Variants in VWA8 observed in about 807,000 individuals in gnomAD.
VWA8 encodes von Willebrand factor A domain-containing protein 8.
A neutral mutation model predicts 241.5 loss-of-function variants in VWA8; 221 were observed. The observed-to-expected ratio is 0.91, with a 90% CI of 0.82 to 1.02. The LOEUF is 1.02. Ranked by LOEUF, VWA8 falls within the 50% of genes least tolerant of loss-of-function variation. The pLI is 0.00. For missense variants in VWA8, 2,322 were observed against 2,328.7 expected (o/e 1.00, Z 0.06); for synonymous variants, 852 against 827.1 (o/e 1.03, Z -0.52).
intron 34 of VWA8, 115 bp from the exon 35 acceptor site, chr13:41,685,357 A>G (rs2045129117): frequency 9.8e-7 from 1 of 1,016,852 alleles, no homozygotes; most frequent in Non-Finnish European, 1.4e-6. Context: ...TCACAGGTAT[A>G]AGAAAATCAA....
rs57144853 is a variant in VWA8, at chr13:41,641,803, GA to G, written c.4612-26720del. Among the ~76,000 whole-genome samples, 1,359 of 148,620 alleles carry G rather than the reference GA, an allele frequency of 9.1e-3. 8 individuals carry two copies. The highest frequency in any genetic ancestry group is 0.013 in the Non-Finnish European group (848 of 66,944). On this transcript the variant is annotated intron_variant, in intron 37 of 44. Transcript: ENST00000379310. ...TATAATGCAAAGAAGATTTTTATGG[GA>G]AAAAAAAAACAGTATGTGGGAGAAG...
intron 26 of VWA8, among the ~76,000 whole-genome samples, chr13:41,718,582 C>T (rs552506142): frequency 1.2e-4 from 18 of 151,858 alleles, no homozygotes; most frequent in Non-Finnish European, 2.7e-4. Flanking sequence ...ATATTTGTTT[C>T]TCTTTTAGAA....
intron 19 of VWA8, among the ~76,000 whole-genome samples, chr13:41,778,981 A>G (rs1868762841): frequency 6.7e-6 from 1 of 150,150 alleles, no homozygotes; most frequent in Non-Finnish European, 1.5e-5. Context: ...AGCTGGGACT[A>G]CAGGTGCCTG....
At chr13:41,819,150 T>C in intron 15 of VWA8, 68 bp downstream of exon 15, 2 of 1,469,002 alleles carry the variant, frequency 1.4e-6, no homozygotes, top group South Asian at 2.7e-5. Flanking sequence ...TACTTTGGCA[T>C]GTATCAGAGT....
intron 38 of VWA8, 125 bp from the exon 39 acceptor site, chr13:41,611,857 C>T: frequency 9.3e-7 from 1 of 1,069,572 alleles, no homozygotes; most frequent in Admixed American, 2.8e-5. Context: ...ATTAAACAGT[C>T]AAATTACCTT....
intron 34 of VWA8, among the ~76,000 whole-genome samples, chr13:41,687,068 T>G (rs936910646): frequency 1.3e-5 from 2 of 152,170 alleles, no homozygotes; most frequent in Non-Finnish European, 2.9e-5. Flanking sequence ...TGTTAAGTTT[T>G]AAGAATCTTT....
At chr13:41,699,010 T>TG in intron 29 of VWA8, 61 bp downstream of exon 29, 1 of 1,603,710 alleles carries the variant, frequency 6.2e-7, no homozygotes, top group Non-Finnish European at 8.5e-7. Context: ...TATAGGTTTC[T>TG]AATCACTCTT....
chr13:41,891,571 G>A lies in VWA8; in HGVS notation c.500C>T (p.Ala167Val). ...CAAAATGAGAGTTCTGCCTTCTGTG[G>A]CTGCACGAACTGCACACTATTTCCA... ...FYIDQCAVRA[A>V]TEGRTLILEG... The change falls in exon 5 of 45, where the codon GCC (alanine) becomes GTC (valine). Residue 167 changes from alanine (A) to valine (V), a missense_variant. Ala to Val is a moderately conservative substitution (Grantham distance 64). Transcript: ENST00000379310. The A allele has an allele frequency of 3.1e-6, 5 of 1,614,104 alleles. No individual in the cohort carries two copies. Among genetic ancestry groups the A allele is most frequent in the Non-Finnish European group, 4.2e-6 (5 of 1,180,002 alleles).
intron 28 of VWA8, 39 bp from the exon 29 acceptor site, chr13:41,699,309 C>T: frequency 1.2e-6 from 2 of 1,602,212 alleles, no homozygotes; most frequent in South Asian, 1.1e-5. Flanking sequence ...TGGCTGGCAA[C>T]CAATTCTCTA....
chr13:41,859,052 G>A (rs1593822843), intron 12 of VWA8, among the ~76,000 whole-genome samples: 2 of 151,402 alleles, frequency 1.3e-5, no homozygotes, highest in East Asian at 3.9e-4. Context: ...ACTCCAGTCT[G>A]GTGGACAGAG....
At chr13:41,894,177 A>C (rs1344093169) in intron 4 of VWA8, among the ~76,000 whole-genome samples, 2 of 152,246 alleles carry the variant, frequency 1.3e-5, no homozygotes, top group African/African-American at 2.4e-5. Flanking sequence ...TGGGCCACAA[A>C]AAGCAAAGTC....
intron 2 of VWA8, among the ~76,000 whole-genome samples, chr13:41,944,355 G>A (rs1419558768): frequency 6.6e-6 from 1 of 151,944 alleles, no homozygotes; most frequent in Non-Finnish European, 1.5e-5. Flanking sequence ...CTAGCTCTGT[G>A]ATTGTTTTTC....
intron 22 of VWA8, among the ~76,000 whole-genome samples, chr13:41,731,874 C>T (rs77454255): frequency 0.16 from 24,894 of 152,144 alleles, 2,155 homozygotes; most frequent in Non-Finnish European, 0.2. Context: ...CACCTTCCAC[C>T]GTGATGGTGA....
rs748947628 is a variant in VWA8, at chr13:41,691,316, T to C, written c.3866+4A>G. ...TCCATGATACACTATATAAAGCCACTCACTGATTTGTTTTGCTCTCCACCA... is the reference window on the plus strand; with the variant it reads ...TCCATGATACACTATATAAAGCCACCCACTGATTTGTTTTGCTCTCCACCA... On this transcript the variant is annotated splice_donor_region_variant and intron_variant, in intron 32 of 44. Transcript: ENST00000379310. The C allele has an allele frequency of 4.3e-6, 7 of 1,611,762 alleles. No homozygotes were observed. The highest frequency in any genetic ancestry group is 4.2e-6 in the Non-Finnish European group (5 of 1,178,446).
intron 26 of VWA8, among the ~76,000 whole-genome samples, chr13:41,705,689 CTT>C (rs2045278692): frequency 6.6e-6 from 1 of 151,812 alleles, no homozygotes; most frequent in Admixed American, 6.6e-5. Context: ...GTCTTTTTGA[CTT>C]TGCTTGATAT....
chr13:41,819,287 T>C lies in VWA8; in HGVS notation c.1800A>G (p.Leu600=), dbSNP rs751983371. The change falls in exon 15 of 45, where the codon TTA becomes TTG. Residue 600 remains leucine (L), a synonymous_variant. Transcript: ENST00000379310. ...TCATGTAATGGAAAAAGAACATGGTTAAGAATTCTGGTCCCAGCCACTGGT... is the reference window on the plus strand; with the variant it reads ...TCATGTAATGGAAAAAGAACATGGTCAAGAATTCTGGTCCCAGCCACTGGT... ...TAHQWLGPEF[L]TMFFFHYMKP... is the part of the protein sequence containing the mutation. 1.9e-6 allele frequency: 3 copies of C among 1,613,384 alleles called. No homozygotes were observed. The highest frequency in any genetic ancestry group is 2.5e-6 in the Non-Finnish European group (3 of 1,179,882).
At chr13:41,718,054 A>T (rs1029126420) in intron 26 of VWA8, among the ~76,000 whole-genome samples, 2 of 152,056 alleles carry the variant, frequency 1.3e-5, no homozygotes, top group Admixed American at 1.3e-4. Flanking sequence ...AAATTGCTTT[A>T]TAAGTAAAAA....
chr13:41,844,185 T>C (rs7337440), intron 12 of VWA8, among the ~76,000 whole-genome samples: 21,592 of 152,158 alleles, frequency 0.14, 1,648 homozygotes, highest in East Asian at 0.18. Context: ...ATTCAACATA[T>C]GCAAATCAAT....
intron 12 of VWA8, among the ~76,000 whole-genome samples, chr13:41,861,956 C>G (rs1273060320): frequency 6.6e-6 from 1 of 152,114 alleles, no homozygotes; most frequent in African/African-American, 2.4e-5. Flanking sequence ...TCCTAAAATT[C>G]ATATAGACTC....
Sources: gnomAD v4.1 joint callset for allele counts (sites outside exome capture counted in the v4.1 genomes callset) on GRCh38, gnomAD v4.1.1 for gene constraint, MANE v1.5 for transcripts, NCBI Gene and HGNC (gene_info 2026-07-23, HGNC 2026-07-21) for gene names.